VNN2: variants seen among roughly 807,000 people sequenced by gnomAD.
The protein encoded by VNN2 is pantetheine hydrolase VNN2.
Under a neutral mutation model 43.0 loss-of-function variants are expected in VNN2, and 43 were observed. That is an observed-to-expected ratio of 1.00 (90% CI 0.78 to 1.29). VNN2 has a LOEUF of 1.29. Among genes scored for constraint, VNN2 ranks in the 50% most tolerant of loss-of-function variants. The pLI is 0.00. For synonymous variants in VNN2, 230 were observed against 224.3 expected, an observed-to-expected ratio of 1.03 and a Z score of -0.23; for missense variants, 652 against 619.7, an observed-to-expected ratio of 1.05 and a Z score of -0.55.
upstream of VNN2, among the ~76,000 whole-genome samples, chr6:132,759,819 C>T (rs1024358869): frequency 1.4e-4 from 21 of 152,140 alleles, no homozygotes; most frequent in Non-Finnish European, 2.1e-4. Flanking sequence ...TGGTCAAGCC[C>T]TTTTGTGGAA....
At chr6:132,747,889 T>C (rs1050560860) in intron 6 of VNN2, among the ~76,000 whole-genome samples, 1 of 152,212 alleles carries the variant, frequency 6.6e-6, no homozygotes, top group Non-Finnish European at 1.5e-5. Context: ...TATTTCTGGC[T>C]TTGGACCTTT....
At chr6:132,758,017 TCTTCTTCTTCTTCTTC>T (rs1780599390), upstream of VNN2, 7 of 223,000 alleles carry the variant, frequency 3.1e-5, no homozygotes, top group Admixed American at 1.2e-4. Context: ...TTCTTCTTCT[TCTTCTTCTTCTTCTTC>T]TTCTTCTTTT....
chr6:132,759,455 A>AAC (rs1562255503), upstream of VNN2, among the ~76,000 whole-genome samples: 1 of 150,060 alleles, frequency 6.7e-6, no homozygotes, highest in East Asian at 1.9e-4. Flanking sequence ...AAAAAAAAAA[A>AAC]AAAAAACAAT....
intron 6 of VNN2, among the ~76,000 whole-genome samples, chr6:132,747,702 G>T (rs1049973519): frequency 6.6e-6 from 1 of 152,178 alleles, no homozygotes; most frequent in Non-Finnish European, 1.5e-5. Context: ...ATTTAAACAT[G>T]TATTCTCTTG....
rs762655604 is a variant in VNN2, at chr6:132,749,861, C to A, written c.1205G>T (p.Cys402Phe). 5.6e-6 allele frequency: 9 copies of A among 1,613,476 alleles called. No individual in the cohort carries two copies. The highest frequency in any genetic ancestry group is 7.6e-6 in the Non-Finnish European group (9 of 1,179,716). ...AGTAGTTTTGCACTTCAGCAGTGTG[C>A]AGACCTATGTGGAACAAACGCAGAT... is the stretch of plus-strand genomic sequence containing the variant. The part of the protein sequence containing the change: ...GRRRREYWQV[C>F]TLLKCKTTNL... Residue 402 changes from cysteine to phenylalanine, a missense_variant, in exon 6 of 7, where the codon TGC (cysteine) becomes TTC (phenylalanine). Transcript: ENST00000326499.
At position 132,752,636 on chromosome 6, in the gene VNN2, A is replaced by G. The variant is rs763385186; in HGVS notation, c.651T>C (p.Tyr217=). ...CTTTCACCAGGGTAACACCAGGATC[A>G]TAGAAGAATATATCAAAGCACGTGA... ...GIFTCFDIFF[Y]DPGVTLVKDF... The change falls in exon 4 of 7, where the codon TAT becomes TAC. Residue 217 remains tyrosine, a synonymous_variant. Coordinates refer to ENST00000326499, the MANE Select transcript of VNN2 (RefSeq NM_004665.6). 2 of 1,614,198 alleles carry G rather than the reference A, an allele frequency of 1.2e-6. No homozygotes were observed. The highest frequency in any genetic ancestry group is 1.7e-6 in the Non-Finnish European group (2 of 1,180,026).
upstream of VNN2, among the ~76,000 whole-genome samples, chr6:132,758,415 A>G (rs1434427975): frequency 1.3e-5 from 2 of 152,152 alleles, no homozygotes; most frequent in African/African-American, 4.8e-5. Context: ...CATTTAAGAC[A>G]ATCAGAAAGT....
chr6:132,758,039 CTTTT>C (rs533088096), upstream of VNN2: 260 of 164,788 alleles, frequency 1.6e-3, no homozygotes, highest in South Asian at 2.9e-3. Context: ...TCTTCTTCTT[CTTTT>C]TTTTTTTTTT....
chr6:132,752,463 G>C lies in VNN2; in HGVS notation c.824C>G (p.Thr275Arg). Residue 275 changes from threonine (T) to arginine (R), a missense_variant and splice_region_variant, in exon 4 of 7, where the codon ACA becomes AGA. Transcript: ENST00000326499. ...ANTHHVSLNM[T>R]GSGIYAPNGP... ...AACCTAACCTGGTCATGAATTACCT[G>C]TCATATTTAGGCTGACATGATGTGT... The C allele has an allele frequency of 6.2e-7, 1 of 1,611,882 alleles. No individual in the cohort carries two copies. Among genetic ancestry groups the C allele is most frequent in the East Asian group, 2.2e-5 (1 of 44,832 alleles).
rs764428784 is a variant in VNN2 at position 132,757,539 on chromosome 6, C to T, written c.221G>A (p.Arg74Gln). The T allele has an allele frequency of 1.9e-5, 30 of 1,613,252 alleles. 1 individual carries two copies. Among genetic ancestry groups the T allele is most frequent in the South Asian group, 1.8e-4 (16 of 90,898 alleles). ...AIKQAAEQGARIIVTPEDALY... is the reference protein window; with the variant it reads ...AIKQAAEQGAQIIVTPEDALY... ...TGCATCTTCTGGAGTCACAATGATT[C>T]GAGCACCCTGTTCAAAACAAGCAAA... The change falls in exon 2 of 7, where the codon CGA becomes CAA. Residue 74 changes from arginine (R) to glutamine (Q), a missense_variant. Arg to Gln is a conservative substitution (Grantham distance 43, BLOSUM62 1). Coordinates refer to ENST00000326499, the MANE Select transcript of VNN2 (RefSeq NM_004665.6).
intron 6 of VNN2, among the ~76,000 whole-genome samples, chr6:132,747,640 A>G (rs1779797812): frequency 6.6e-6 from 1 of 152,174 alleles, no homozygotes; most frequent in African/African-American, 2.4e-5. Flanking sequence ...AATTAAAAAT[A>G]ATTTAAAAAA....
intron 1 of VNN2, 23 bp downstream of exon 1, chr6:132,757,648 G>T: frequency 1.2e-6 from 2 of 1,611,984 alleles, no homozygotes; most frequent in South Asian, 2.2e-5. Context: ...TGTACATTAT[G>T]ATTAACAGAA....
intron 6 of VNN2, 86 bp from the exon 7 acceptor site, chr6:132,744,577 T>G (rs1779611708): frequency 1.2e-5 from 15 of 1,302,268 alleles, no homozygotes; most frequent in Non-Finnish European, 1.5e-5. Context: ...ATCCTAGATA[T>G]AATGTATAGT....
At chr6:132,757,279 A>T in intron 2 of VNN2, 137 bp downstream of exon 2, 3 of 1,106,300 alleles carry the variant, frequency 2.7e-6, no homozygotes, top group Non-Finnish European at 3.6e-6. Flanking sequence ...ATTTTTTAAA[A>T]TCTGACAAAT....
At chr6:132,753,570 A>G (rs1338147202) in intron 3 of VNN2, 1 of 422,116 alleles carries the variant, frequency 2.4e-6, no homozygotes, top group African/African-American at 2.1e-5. Flanking sequence ...GTCTAATATA[A>G]TAAATGGAAT....
chr6:132,756,076 AT>A, intron 2 of VNN2, 41 bp from the exon 3 acceptor site: 1 of 1,485,090 alleles, frequency 6.7e-7, no homozygotes, highest in East Asian at 2.5e-5. Flanking sequence ...TTTTAAAAAA[AT>A]ATTTTAGTCA....
chr6:132,749,420 G>T (rs6926968), intron 6 of VNN2, among the ~76,000 whole-genome samples: 1 of 152,004 alleles, frequency 6.6e-6, no homozygotes, highest in African/African-American at 2.4e-5. Flanking sequence ...CAGCTGTCCA[G>T]GACAAGGCAA....
upstream of VNN2, among the ~76,000 whole-genome samples, chr6:132,758,884 G>A (rs758760427): frequency 6.6e-6 from 1 of 152,000 alleles, no homozygotes; most frequent in African/African-American, 2.4e-5. Context: ...CTCAGCTCAG[G>A]GGCCCCAGGC....
upstream of VNN2, chr6:132,758,039 CTTTTTTT>C (rs533088096): frequency 1.5e-4 from 24 of 165,020 alleles, no homozygotes; most frequent in African/African-American, 2.9e-4. Flanking sequence ...TCTTCTTCTT[CTTTTTTT>C]TTTTTTTTTT....
Sources: allele counts gnomAD v4.1 joint callset (sites outside exome capture counted in the v4.1 genomes callset), GRCh38; gene constraint gnomAD v4.1.1; transcripts MANE v1.5; gene names NCBI Gene and HGNC (gene_info 2026-07-23, HGNC 2026-07-21).